The following NCOA2 variants were observed in gnomAD, a reference collection of about 807,000 sequenced individuals.
NCOA2 encodes nuclear receptor coactivator 2.
A neutral mutation model predicts 145.1 loss-of-function variants in NCOA2; 21 were observed. That is an observed-to-expected ratio of 0.14 (90% CI 0.10 to 0.21). NCOA2 has a LOEUF of 0.21. Among genes scored for constraint, NCOA2 ranks in the 10% least tolerant of loss-of-function variants. NCOA2 has a pLI of 1.00. For missense variants in NCOA2, 1,472 were observed against 1,837.6 expected, an observed-to-expected ratio of 0.80 and a Z score of 3.64; for synonymous variants, 619 against 637.5, an observed-to-expected ratio of 0.97 and a Z score of 0.44.
At chr8:70,155,506 G>C (rs1350705157) in intron 11 of NCOA2, among the ~76,000 whole-genome samples, 6 of 152,288 alleles carry the variant, frequency 3.9e-5, no homozygotes, top group Non-Finnish European at 7.4e-5. Flanking sequence ...GCTAAATCTT[G>C]TTTTTGTATG....
intron 2 of NCOA2, among the ~76,000 whole-genome samples, chr8:70,261,449 G>C (rs199692511): frequency 1.3e-5 from 2 of 152,106 alleles, no homozygotes; most frequent in East Asian, 3.9e-4. Flanking sequence ...TGTGGGGTGG[G>C]GGGAGGCGGG....
intron 1 of NCOA2, among the ~76,000 whole-genome samples, chr8:70,303,555 G>A (rs1827659196): frequency 6.6e-6 from 1 of 152,114 alleles, no homozygotes; most frequent in Admixed American, 6.6e-5. Flanking sequence ...CATGTGAAAA[G>A]GAAATAAGAA....
At chr8:70,116,503 A>G (rs940761890) in intron 22 of NCOA2, among the ~76,000 whole-genome samples, 12 of 151,996 alleles carry the variant, frequency 7.9e-5, no homozygotes, top group African/African-American at 2.7e-4. Flanking sequence ...GTGAGCTAAG[A>G]TCGCGCCACT....
intron 1 of NCOA2, among the ~76,000 whole-genome samples, chr8:70,332,186 T>C (rs1807173048): frequency 6.6e-6 from 1 of 152,106 alleles, no homozygotes; most frequent in Admixed American, 6.5e-5. Context: ...ACAAAGTAAA[T>C]ACATTTTTTT....
chr8:70,308,341 T>A (rs1373766037), intron 1 of NCOA2, among the ~76,000 whole-genome samples: 1 of 152,154 alleles, frequency 6.6e-6, no homozygotes, highest in East Asian at 1.9e-4. Context: ...GGCACTCCTA[T>A]GCCAGTTTGC....
chr8:70,453,221 A>T, the NCOA2 span, among the ~76,000 whole-genome samples: 1 of 152,190 alleles, frequency 6.6e-6, no homozygotes, highest in South Asian at 2.1e-4. Flanking sequence ...TTGTGGCAAG[A>T]CTTCCCTAGT....
intron 8 of NCOA2, among the ~76,000 whole-genome samples, chr8:70,163,236 A>C (rs1320865664): frequency 4.6e-5 from 7 of 152,124 alleles, no homozygotes; most frequent in Non-Finnish European, 8.8e-5. Context: ...AATTTTAACA[A>C]GATTTAAATG....
chr8:70,282,097 A>C (rs1174281281), intron 2 of NCOA2, among the ~76,000 whole-genome samples: 1 of 152,198 alleles, frequency 6.6e-6, no homozygotes, highest in African/African-American at 2.4e-5. Context: ...TACTAACCCC[A>C]ACAAATTAGT....
intron 7 of NCOA2, among the ~76,000 whole-genome samples, chr8:70,164,492 A>G (rs1813399400): frequency 6.6e-6 from 1 of 152,118 alleles, no homozygotes. Flanking sequence ...CTGCTACCCT[A>G]TCTAAAATAT....
intron 10 of NCOA2, among the ~76,000 whole-genome samples, chr8:70,158,105 G>A (rs1267442909): frequency 1.3e-5 from 2 of 152,170 alleles, no homozygotes; most frequent in East Asian, 1.9e-4. Flanking sequence ...TCAGCTTTTC[G>A]TTAGGTGGGT....
chr8:70,141,360 G>A lies in NCOA2; in HGVS notation c.2852C>T (p.Ser951Phe). The A allele has an allele frequency of 6.2e-7, 1 of 1,613,934 alleles. No homozygotes were observed. Among genetic ancestry groups the A allele is most frequent in the Non-Finnish European group, 8.5e-7 (1 of 1,179,878 alleles). Residue 951 changes from serine (S) to phenylalanine (F), a missense_variant, in exon 14 of 23, where the codon TCT becomes TTT. Transcript: ENST00000452400. ...CGAACTCTGCGGTGCCCATTCTCCA[G>A]ATGGCATAGTAGGCCGAGAAGCACT... ...GNSASRPTMP[S>F]GEWAPQSSAV...
chr8:70,321,088 C>T (rs1806014013), intron 1 of NCOA2, among the ~76,000 whole-genome samples: 1 of 152,158 alleles, frequency 6.6e-6, no homozygotes, highest in South Asian at 2.1e-4. Flanking sequence ...ACTTTCTGAG[C>T]TCCAAATTAA....
intron 4 of NCOA2, among the ~76,000 whole-genome samples, chr8:70,187,131 G>C (rs1185678821): frequency 1.3e-5 from 2 of 152,208 alleles, no homozygotes; most frequent in Non-Finnish European, 2.9e-5. Context: ...CAACCAGGCA[G>C]CAGGAGAAGC....
upstream of NCOA2, among the ~76,000 whole-genome samples, chr8:70,406,693 A>T (rs996213849): frequency 6.6e-6 from 1 of 152,256 alleles, no homozygotes; most frequent in Admixed American, 6.5e-5. Flanking sequence ...AATATAACCT[A>T]GGAATAATCA....
chr8:70,210,615 T>C (rs1443693701), intron 4 of NCOA2, among the ~76,000 whole-genome samples: 1 of 152,226 alleles, frequency 6.6e-6, no homozygotes, highest in African/African-American at 2.4e-5. Flanking sequence ...ATTTCCATCC[T>C]TTAGGCCATT....
the NCOA2 span, among the ~76,000 whole-genome samples, chr8:70,428,903 A>C: frequency 1.3e-5 from 2 of 151,992 alleles, no homozygotes; most frequent in African/African-American, 4.8e-5. Flanking sequence ...CTATCACTTC[A>C]TGTCAGCTAC....
chr8:70,325,657 C>T (rs1449444225), intron 1 of NCOA2, among the ~76,000 whole-genome samples: 1 of 152,126 alleles, frequency 6.6e-6, no homozygotes, highest in Non-Finnish European at 1.5e-5. Context: ...CCCACTTTGG[C>T]CTCCCAAAGT....
chr8:70,308,455 G>C (rs1828056693), intron 1 of NCOA2, among the ~76,000 whole-genome samples: 1 of 152,004 alleles, frequency 6.6e-6, no homozygotes, highest in Admixed American at 6.6e-5. Flanking sequence ...GTGTATCTGT[G>C]AGTGTATTTA....
At chr8:70,440,723 A>AGG in the NCOA2 span, among the ~76,000 whole-genome samples, 2 of 151,524 alleles carry the variant, frequency 1.3e-5, no homozygotes, top group African/African-American at 4.9e-5. Context: ...AAAGAAAAAG[A>AGG]GGGAGAGAGA....
Sources: allele counts gnomAD v4.1 joint callset (sites outside exome capture counted in the v4.1 genomes callset), GRCh38; gene constraint gnomAD v4.1.1; transcripts MANE v1.5; gene names NCBI Gene and HGNC (gene_info 2026-07-23, HGNC 2026-07-21).